Variants in MMS22L observed in about 807,000 individuals in gnomAD.
MMS22L encodes protein MMS22-like.
Under a neutral mutation model 159.1 loss-of-function variants are expected in MMS22L, and 74 were observed. The observed-to-expected ratio is 0.47, with a 90% CI of 0.39 to 0.56. The LOEUF is 0.56. Ranked by LOEUF, MMS22L falls within the 20% of genes least tolerant of loss-of-function variation. The pLI, the probability that MMS22L is intolerant of heterozygous loss-of-function variation, is 0.00. For synonymous variants in MMS22L, 517 were observed against 506.9 expected, an observed-to-expected ratio of 1.02 and a Z score of -0.27; for missense variants, 1,351 against 1,422.1, an observed-to-expected ratio of 0.95 and a Z score of 0.80.
intron 22 of MMS22L, among the ~76,000 whole-genome samples, chr6:97,159,948 G>GTTTTTTT (rs368455553): frequency 2.9e-4 from 28 of 97,164 alleles, no homozygotes; most frequent in East Asian, 2.1e-3. Context: ...TATCATTTCT[G>GTTTTTTT]TTTTTTTTTT....
At chr6:97,174,775 A>G (rs1803960690) in intron 18 of MMS22L, among the ~76,000 whole-genome samples, 1 of 152,168 alleles carries the variant, frequency 6.6e-6, no homozygotes, top group Non-Finnish European at 1.5e-5. Context: ...GAAAGACTGA[A>G]AGAGTACTAC....
chr6:97,160,163 T>C (rs1185708913), intron 22 of MMS22L, among the ~76,000 whole-genome samples: 2 of 151,988 alleles, frequency 1.3e-5, no homozygotes, highest in East Asian at 3.9e-4. Flanking sequence ...TGTGAATTTA[T>C]ACTGTCTTAA....
chr6:97,190,940 T>C (rs1021530186), intron 14 of MMS22L, among the ~76,000 whole-genome samples: 3 of 152,206 alleles, frequency 2.0e-5, no homozygotes, highest in African/African-American at 7.2e-5. Flanking sequence ...CACATACCAA[T>C]TATCCAGGTG....
At chr6:97,185,594 G>T (rs974179721) in intron 15 of MMS22L, among the ~76,000 whole-genome samples, 4 of 152,060 alleles carry the variant, frequency 2.6e-5, no homozygotes, top group Non-Finnish European at 5.9e-5. Flanking sequence ...TTGGAAAATT[G>T]TTGTCCTGTC....
chr6:97,249,040 T>A (rs530353649), intron 10 of MMS22L, among the ~76,000 whole-genome samples: 21 of 3,854 alleles, frequency 5.4e-3, no homozygotes, highest in South Asian at 0.5. Context: ...TAGGGCCTGG[T>A]CACACCCAAA....
intron 16 of MMS22L, among the ~76,000 whole-genome samples, chr6:97,180,246 C>G (rs1804571494): frequency 6.6e-6 from 1 of 152,074 alleles, no homozygotes; most frequent in South Asian, 2.1e-4. Context: ...GGACTACAGG[C>G]ACCCGCCACC....
At chr6:97,216,497 GT>G in intron 14 of MMS22L, among the ~76,000 whole-genome samples, 1 of 152,176 alleles carries the variant, frequency 6.6e-6, no homozygotes. Flanking sequence ...ATCATACTGA[GT>G]TTTTTTAAAC....
chr6:97,185,700 C>A (rs895456568), intron 15 of MMS22L, among the ~76,000 whole-genome samples: 1 of 152,098 alleles, frequency 6.6e-6, no homozygotes, highest in African/African-American at 2.4e-5. Context: ...TTTTACACAG[C>A]ACTTTAAGCT....
intron 10 of MMS22L, among the ~76,000 whole-genome samples, chr6:97,252,094 AAAAG>A (rs984253402): frequency 3.3e-5 from 5 of 151,944 alleles, no homozygotes; most frequent in Non-Finnish European, 7.4e-5. Context: ...AAAAAAAAAA[AAAAG>A]AAATAGAAGA....
intron 4 of MMS22L, among the ~76,000 whole-genome samples, chr6:97,274,841 C>T (rs151322945): frequency 1.4e-4 from 21 of 152,162 alleles, no homozygotes; most frequent in Middle Eastern, 6.8e-3. Context: ...AAAACAATTC[C>T]CTATAAAGAG....
In MMS22L at chr6:97,145,680, A is replaced by C. The variant is rs1024033471; in HGVS notation, c.*1126T>G. The C allele has an allele frequency of 2.0e-5, 3 of 152,150 alleles. No individual in the cohort carries two copies. 9.4% of individuals were successfully genotyped at this position (152,150 alleles called of 1,614,324 possible). ...CATTATCCCATTGATTCTCACAACA[A>C]CACTGTCAAATAGTAAAGGGATTCT... is the stretch of plus-strand genomic sequence containing the variant. On this transcript the variant is annotated 3_prime_UTR_variant, in exon 25 of 25. Transcript: ENST00000683635.
intron 18 of MMS22L, among the ~76,000 whole-genome samples, chr6:97,174,622 C>T (rs1224268342): frequency 6.6e-6 from 1 of 152,116 alleles, no homozygotes; most frequent in African/African-American, 2.4e-5. Context: ...GGGAAGATTA[C>T]AGTGTGGTCA....
chr6:97,147,750 C>T (rs1800983937), intron 24 of MMS22L, among the ~76,000 whole-genome samples: 1 of 152,060 alleles, frequency 6.6e-6, no homozygotes, highest in Admixed American at 6.6e-5. Context: ...AGTCACCATG[C>T]AGAAGAAAGG....
chr6:97,252,400 G>T (rs1813331525), intron 10 of MMS22L, among the ~76,000 whole-genome samples: 1 of 144,020 alleles, frequency 6.9e-6, no homozygotes, highest in East Asian at 1.9e-4. Context: ...GCCGAGGCAG[G>T]CAGATTAACT....
At chr6:97,157,800 C>T (rs139847605) in intron 22 of MMS22L, among the ~76,000 whole-genome samples, 209 of 152,136 alleles carry the variant, frequency 1.4e-3, no homozygotes, top group Middle Eastern at 3.4e-3. Flanking sequence ...TGTGTCTCTG[C>T]CAGGTTTTAG....
intron 11 of MMS22L, among the ~76,000 whole-genome samples, chr6:97,234,415 C>T (rs1217939449): frequency 6.6e-6 from 1 of 152,028 alleles, no homozygotes; most frequent in Non-Finnish European, 1.5e-5. Flanking sequence ...CTTTCTAAAA[C>T]CAAAGGATTG....
rs1259142370 is a variant in MMS22L, at chr6:97,263,444, C to A, written c.833G>T (p.Arg278Met). ...SLSLNRYDKV[R>M]SSESLMSDQC... The stretch of plus-strand genomic sequence containing the variant: ...GTCACTCATTAATGATTCAGAAGAC[C>A]TAACCTATAGAAAATAACCAAAATG... The change falls in exon 9 of 25, where the codon AGG becomes ATG. Residue 278 changes from arginine (R) to methionine (M), a missense_variant. By Grantham distance (91) the Arg-to-Met change is moderately conservative. Transcript: ENST00000683635. The A allele has an allele frequency of 1.3e-6, 2 of 1,528,604 alleles. No homozygotes were observed. Among genetic ancestry groups the A allele is most frequent in the Non-Finnish European group, 1.8e-6 (2 of 1,142,184 alleles). 94.7% of individuals were successfully genotyped at this position (1,528,604 alleles called of 1,614,324 possible). A position where few individuals can be genotyped will look rare whatever the true frequency, so the allele number is the denominator to read the frequency against.
intron 14 of MMS22L, among the ~76,000 whole-genome samples, chr6:97,219,993 T>A (rs1490618621): frequency 1.3e-5 from 2 of 152,204 alleles, no homozygotes; most frequent in East Asian, 3.8e-4. Flanking sequence ...TGACCACTTC[T>A]GACTCTTGAT....
At position 97,199,961 on chromosome 6, in the gene MMS22L, A is replaced by G. The variant is rs187238169; in HGVS notation, c.2040-13271T>C. On this transcript the variant is annotated intron_variant, in intron 14 of 24. Transcript: ENST00000683635. ...CATCCCCTTTCTTCTGCTTTCTACCACTTTATAAACACTTCTAAGTACAAG... is the reference window on the plus strand; with the variant it reads ...CATCCCCTTTCTTCTGCTTTCTACCGCTTTATAAACACTTCTAAGTACAAG... Among the ~76,000 whole-genome samples, 16 of 152,032 alleles carry G rather than the reference A, an allele frequency of 1.1e-4. No individual in the cohort carries two copies. In the East Asian group the frequency reaches 2.9e-3, roughly 28 times the overall value.
Sources: gnomAD v4.1 joint callset for allele counts (sites outside exome capture counted in the v4.1 genomes callset) on GRCh38, gnomAD v4.1.1 for gene constraint, MANE v1.5 for transcripts, NCBI Gene and HGNC (gene_info 2026-07-23, HGNC 2026-07-21) for gene names.